Variants in ST8SIA1 observed in about 807,000 individuals in gnomAD.
ST8SIA1 encodes ST8 alpha-N-acetyl-neuraminide alpha-2,8-sialyltransferase 1, also known as alpha-N-acetylneuraminide alpha-2,8-sialyltransferase.
A neutral mutation model predicts 35.9 loss-of-function variants in ST8SIA1; 16 were observed. That is an observed-to-expected ratio of 0.45 (90% CI 0.30 to 0.68). The LOEUF (loss-of-function observed/expected upper bound fraction) is 0.68. Among genes scored for constraint, ST8SIA1 ranks in the 30% least tolerant of loss-of-function variants. The probability of loss-of-function intolerance (pLI) is 0.09; values close to 1 mark genes in which losing one functional copy is unlikely to be tolerated. For missense variants in ST8SIA1, 383 were observed against 453.6 expected (o/e 0.84, Z 1.41); for synonymous variants, 170 against 169.6 (o/e 1.00, Z -0.02).
chr12:22,214,210 A>G (rs1306439831), intron 4 of ST8SIA1, among the ~76,000 whole-genome samples: 1 of 152,188 alleles, frequency 6.6e-6, no homozygotes, highest in African/African-American at 2.4e-5. Flanking sequence ...GACAGAAAAC[A>G]GAGGAAAAAA....
At chr12:22,242,273 C>A (rs1010890123) in intron 4 of ST8SIA1, among the ~76,000 whole-genome samples, 2 of 152,018 alleles carry the variant, frequency 1.3e-5, no homozygotes, top group Non-Finnish European at 2.9e-5. Context: ...TATATTAAAT[C>A]CAATATAATT....
At chr12:22,316,443 T>C (rs1866520736) in intron 1 of ST8SIA1, among the ~76,000 whole-genome samples, 1 of 152,150 alleles carries the variant, frequency 6.6e-6, no homozygotes, top group Non-Finnish European at 1.5e-5. Flanking sequence ...AGTAACATCT[T>C]GTGGAAAAAG....
rs953359829 is a variant in ST8SIA1 at position 22,326,181 on chromosome 12, G to A, written c.236+7816C>T. Reference sequence around the variant, plus strand: ...ATTAGATTAACAAATCAGGGACCACGTTCTTGTATTCATCACTGTATTGCC... The same window carrying A: ...ATTAGATTAACAAATCAGGGACCACATTCTTGTATTCATCACTGTATTGCC... On this transcript the variant is annotated intron_variant, in intron 1 of 4. Coordinates refer to ENST00000396037, the MANE Select transcript of ST8SIA1 (RefSeq NM_003034.4). 21 of 334,180 alleles carry A rather than the reference G, an allele frequency of 6.3e-5. No individual in the cohort carries two copies. The Middle Eastern group carries it at 2.5e-3, about 40-fold the overall frequency. The allele number at this position is 334,180 out of a possible 1,614,324, so 20.7% of individuals were successfully genotyped here.
At chr12:22,286,504 C>A (rs1460696781) in intron 2 of ST8SIA1, 1 of 518,830 alleles carries the variant, frequency 1.9e-6, no homozygotes, top group Admixed American at 1.9e-5. Flanking sequence ...CCTAAGATCT[C>A]CCCTCCCCAA....
At chr12:22,279,702 A>G (rs964041065) in intron 2 of ST8SIA1, among the ~76,000 whole-genome samples, 4 of 152,338 alleles carry the variant, frequency 2.6e-5, no homozygotes, top group Admixed American at 2.6e-4. Flanking sequence ...GTTCCACAGT[A>G]AGAACTGCAA....
chr12:22,214,384 T>C (rs1012537622), intron 4 of ST8SIA1, among the ~76,000 whole-genome samples: 2 of 152,076 alleles, frequency 1.3e-5, no homozygotes, highest in Admixed American at 6.6e-5. Flanking sequence ...GATTTCATAG[T>C]AGAAATCAGT....
intron 4 of ST8SIA1, among the ~76,000 whole-genome samples, chr12:22,224,988 A>T (rs912868757): frequency 4.6e-5 from 7 of 152,230 alleles, no homozygotes; most frequent in Non-Finnish European, 8.8e-5. Flanking sequence ...GACATAGATC[A>T]TACATAGGAA....
At chr12:22,311,105 A>T (rs1348156694) in intron 1 of ST8SIA1, among the ~76,000 whole-genome samples, 1 of 152,226 alleles carries the variant, frequency 6.6e-6, no homozygotes, top group Non-Finnish European at 1.5e-5. Flanking sequence ...CAGGGCATCC[A>T]GGTAATCACT....
intron 4 of ST8SIA1, among the ~76,000 whole-genome samples, chr12:22,208,630 T>A (rs899114855): frequency 6.6e-6 from 1 of 152,098 alleles, no homozygotes; most frequent in Non-Finnish European, 1.5e-5. Flanking sequence ...GATAAGGTAA[T>A]TCTAAACATC....
chr12:22,205,142 C>G (rs1229237446), intron 4 of ST8SIA1, among the ~76,000 whole-genome samples: 1 of 152,128 alleles, frequency 6.6e-6, no homozygotes, highest in African/African-American at 2.4e-5. Context: ...CTTAAGCTTT[C>G]AAAAGTCTTC....
At chr12:22,292,525 G>C (rs1396610714) in intron 1 of ST8SIA1, among the ~76,000 whole-genome samples, 2 of 151,986 alleles carry the variant, frequency 1.3e-5, no homozygotes, top group Non-Finnish European at 2.9e-5. Context: ...CAGTGGATTG[G>C]ATAAACAAAA....
chr12:22,270,176 C>T (rs2300731), intron 2 of ST8SIA1, among the ~76,000 whole-genome samples: 13,954 of 152,238 alleles, frequency 0.092, 778 homozygotes, highest in East Asian at 0.15. Flanking sequence ...CTTGGAATCA[C>T]AGCATGGAAC....
intron 1 of ST8SIA1, among the ~76,000 whole-genome samples, chr12:22,330,450 T>G (rs1866747742): frequency 6.6e-6 from 1 of 152,316 alleles, no homozygotes; most frequent in East Asian, 1.9e-4. Context: ...TACCAATGAT[T>G]GCACAACTAG....
chr12:22,218,912 C>T (rs12823181), intron 4 of ST8SIA1, among the ~76,000 whole-genome samples: 16,246 of 151,982 alleles, frequency 0.11, 1,123 homozygotes, highest in Middle Eastern at 0.21. Context: ...ATTTCATGTT[C>T]TTTGTCAGAG....
chr12:22,254,672 G>A (rs1006598710), intron 3 of ST8SIA1, among the ~76,000 whole-genome samples: 6 of 152,182 alleles, frequency 3.9e-5, no homozygotes, highest in African/African-American at 1.4e-4. Context: ...GGCTGAATAT[G>A]TCTCAGCAAT....
intron 1 of ST8SIA1, among the ~76,000 whole-genome samples, chr12:22,314,298 T>C (rs1217293062): frequency 2.6e-5 from 4 of 152,110 alleles, no homozygotes; most frequent in Middle Eastern, 3.2e-3. Flanking sequence ...AAGGCCAAAA[T>C]ATGTTAACCC....
At chr12:22,290,217 C>T (rs1866157382) in intron 1 of ST8SIA1, among the ~76,000 whole-genome samples, 3 of 152,330 alleles carry the variant, frequency 2.0e-5, no homozygotes, top group African/African-American at 7.2e-5. Context: ...CAGATCTCCA[C>T]ATCTTCCCTC....
chr12:22,216,141 T>C (rs1198636876), intron 4 of ST8SIA1, among the ~76,000 whole-genome samples: 1 of 152,176 alleles, frequency 6.6e-6, no homozygotes, highest in Non-Finnish European at 1.5e-5. Context: ...CACAGTTTAA[T>C]TTCAGGTTAC....
At position 22,282,446 on chromosome 12, in the gene ST8SIA1, G is replaced by A. The variant is rs1454341544; in HGVS notation, c.381+4703C>T. ...CCCAGGCTTTCTTGCAGTTAGACAT[G>A]CCCATGTGACTCATTCCTGATTAAT... On this transcript the variant is annotated intron_variant, in intron 2 of 4. Transcript: ENST00000396037. Among the ~76,000 whole-genome samples, 6 of 152,312 alleles carry A rather than the reference G, an allele frequency of 3.9e-5. No homozygotes were observed. In the South Asian group the frequency reaches 1.0e-3, roughly 26 times the overall value.
Sources: allele counts gnomAD v4.1 joint callset (sites outside exome capture counted in the v4.1 genomes callset), GRCh38; gene constraint gnomAD v4.1.1; transcripts MANE v1.5; gene names NCBI Gene and HGNC (gene_info 2026-07-23, HGNC 2026-07-21).